The following ZNF141 variants were observed in gnomAD, a reference collection of about 807,000 sequenced individuals.
ZNF141 encodes the protein zinc finger protein 141, also known as zinc finger protein 141 (clone pHZ-44).
A neutral mutation model predicts 11.3 loss-of-function variants in ZNF141; 7 were observed. The ratio of observed to expected loss-of-function variants is 0.62; its 90% CI spans 0.35 to 1.16. The LOEUF is 1.16. Among genes scored for constraint, ZNF141 ranks in the 50% most tolerant of loss-of-function variants. The probability of loss-of-function intolerance (pLI) is 0.02; values close to 1 mark genes in which losing one functional copy is unlikely to be tolerated. For synonymous variants in ZNF141, 183 were observed against 190.7 expected (o/e 0.96, Z 0.33); for missense variants, 535 against 554.0 (o/e 0.97, Z 0.34).
chr4:345,305 G>A (rs553090570), intron 3 of ZNF141, among the ~76,000 whole-genome samples: 1 of 152,240 alleles, frequency 6.6e-6, no homozygotes, highest in African/African-American at 2.4e-5. Flanking sequence ...ATGAAAAAAA[G>A]TAATGTTATT....
chr4:357,348 G>A (rs1553851341), intron 3 of ZNF141, among the ~76,000 whole-genome samples: 2 of 151,666 alleles, frequency 1.3e-5, no homozygotes, highest in East Asian at 3.9e-4. Flanking sequence ...TGACCCAGGA[G>A]GTGGAGGTTG....
Position 373,677 on chromosome 4 carries a change from A to G in ZNF141, c.1240A>G (p.Lys414Glu), listed in dbSNP as rs1712205366. 1 of 1,614,174 alleles carries G rather than the reference A, an allele frequency of 6.2e-7. No individual in the cohort carries two copies. Among genetic ancestry groups the G allele is most frequent in the East Asian group, 2.2e-5 (1 of 44,878 alleles). Residue 414 changes from lysine to glutamate, a missense_variant, in exon 4 of 4, where the codon AAG becomes GAG. Physicochemically the swap from Lys to Glu is moderately conservative, Grantham distance 56. Transcript: ENST00000240499. ...FRRSTDRSQH[K>E]KIHSADKPYK... ...ACGGTCCACAGATCGGAGTCAACATAAGAAAATTCATAGTGCAGATAAACC... is the reference window on the plus strand; with the variant it reads ...ACGGTCCACAGATCGGAGTCAACATGAGAAAATTCATAGTGCAGATAAACC...
intron 3 of ZNF141, among the ~76,000 whole-genome samples, chr4:353,493 C>T (rs1721706297): frequency 6.9e-6 from 1 of 145,098 alleles, no homozygotes; most frequent in Non-Finnish European, 1.5e-5. Context: ...GACAGAGTCT[C>T]ACTCTCGTCC....
At chr4:357,599 A>G (rs1379040780) in intron 3 of ZNF141, among the ~76,000 whole-genome samples, 1 of 151,974 alleles carries the variant, frequency 6.6e-6, no homozygotes, top group Non-Finnish European at 1.5e-5. Flanking sequence ...CAATTAAAAA[A>G]ATTTTTTTTT....
intron 3 of ZNF141, among the ~76,000 whole-genome samples, chr4:356,471 G>A (rs1438060540): frequency 2.6e-5 from 4 of 151,682 alleles, no homozygotes; most frequent in African/African-American, 4.8e-5. Context: ...GACTACAGGC[G>A]CGTGCCACCA....
In ZNF141 at chr4:373,847, G is replaced by A. The variant is rs782807788; in HGVS notation, c.1410G>A (p.Lys470=). 73 of 1,602,246 alleles carry A rather than the reference G, an allele frequency of 4.6e-5. No homozygotes were observed. Among genetic ancestry groups the A allele is most frequent in the Non-Finnish European group, 5.8e-5 (68 of 1,174,300 alleles). The part of the protein sequence containing the change: ...FKRFSHLNKH[K]KIHT ...GGTTCTCACACCTGAATAAACATAA[G>A]AAAATTCATACTTGAGAGAAATCCT... Residue 470 remains lysine (K), a synonymous_variant, in exon 4 of 4, where the codon AAG becomes AAA. Coordinates refer to ENST00000240499, the MANE Select transcript of ZNF141 (RefSeq NM_003441.4).
At chr4:370,776 G>T (rs548394738) in intron 3 of ZNF141, among the ~76,000 whole-genome samples, 6 of 152,108 alleles carry the variant, frequency 3.9e-5, no homozygotes, top group Admixed American at 1.3e-4. Context: ...TGTTGCCCAG[G>T]CTGGAATGCA....
intron 3 of ZNF141, chr4:350,328 C>T (rs920708504): frequency 4.6e-6 from 2 of 434,102 alleles, no homozygotes; most frequent in African/African-American, 2.1e-5. Context: ...CTTCTGCTTT[C>T]TATGTGCTTA....
intron 3 of ZNF141, among the ~76,000 whole-genome samples, chr4:356,546 T>A (rs1553851244): frequency 6.6e-6 from 1 of 151,914 alleles, no homozygotes. Flanking sequence ...TCTCTTGACC[T>A]CGTGATCCTC....
At chr4:358,930 A>G (rs1191599803) in intron 3 of ZNF141, among the ~76,000 whole-genome samples, 2 of 151,942 alleles carry the variant, frequency 1.3e-5, no homozygotes, top group African/African-American at 4.8e-5. Context: ...CATTTTCTAG[A>G]TCTGTGTTTT....
Position 373,116 on chromosome 4 carries a change from TTTAC to T in ZNF141, c.682_685del (p.Thr228ValfsTer19), listed in dbSNP as rs2108654610. The T allele has an allele frequency of 6.2e-7, 1 of 1,613,320 alleles. No individual in the cohort carries two copies. The highest frequency in any genetic ancestry group is 8.5e-7 in the Non-Finnish European group (1 of 1,179,928). On this transcript the variant is annotated frameshift_variant, in exon 4 of 4. Coordinates refer to ENST00000240499, the MANE Select transcript of ZNF141 (RefSeq NM_003441.4). LOFTEE classifies it low-confidence loss of function (END_TRUNC). ...GAGAATTCATACTGGAGAGAAACCT[TTTAC>T]TTGTGAAGAATGTGGCAGCATCTTT...
intron 3 of ZNF141, among the ~76,000 whole-genome samples, chr4:365,445 G>A: frequency 6.6e-6 from 1 of 152,272 alleles, no homozygotes; most frequent in South Asian, 2.1e-4. Context: ...GCAAACCAGA[G>A]CCGTTCCTAT....
chr4:357,036 C>G (rs1553851286), intron 3 of ZNF141, among the ~76,000 whole-genome samples: 1 of 152,066 alleles, frequency 6.6e-6, no homozygotes, highest in African/African-American at 2.4e-5. Context: ...TTGAGTGCAG[C>G]CTCAACCTTT....
chr4:342,154 G>T (rs1339919563), intron 1 of ZNF141, among the ~76,000 whole-genome samples: 1 of 152,184 alleles, frequency 6.6e-6, no homozygotes, highest in Non-Finnish European at 1.5e-5. Flanking sequence ...GACACCTAGT[G>T]TCTACCTCCC....
Position 338,118 on chromosome 4 carries a change from G to A in ZNF141, c.3+132G>A, listed in dbSNP as rs115677187. ...CAGCCCTGGGGCCTCAGTACCCTCC[G>A]GTGAGGGACCTGGGCTCCTGTCGGT... On this transcript the variant is annotated intron_variant, in intron 1 of 3. Coordinates refer to ENST00000240499, the MANE Select transcript of ZNF141 (RefSeq NM_003441.4). 1,052 of 1,245,218 alleles carry A rather than the reference G, an allele frequency of 8.4e-4. 6 individuals are homozygous for A. In the African/African-American group the frequency reaches 0.015, roughly 17 times the overall value. 77.1% of individuals were successfully genotyped at this position (1,245,218 alleles called of 1,614,324 possible).
intron 3 of ZNF141, among the ~76,000 whole-genome samples, chr4:358,046 T>G (rs1721929174): frequency 6.6e-6 from 1 of 151,824 alleles, no homozygotes; most frequent in South Asian, 2.1e-4. Flanking sequence ...ATTAGGAACT[T>G]TCAAATGACT....
At chr4:358,339 C>G (rs1721948110) in intron 3 of ZNF141, 1 of 341,046 alleles carries the variant, frequency 2.9e-6, no homozygotes, top group Non-Finnish European at 5.6e-6. Context: ...TCATGAGCCA[C>G]CACACCTGGC....
chr4:370,890 C>T (rs1263382285), intron 3 of ZNF141, among the ~76,000 whole-genome samples: 1 of 151,812 alleles, frequency 6.6e-6, no homozygotes, highest in Non-Finnish European at 1.5e-5. Context: ...ACCACCACGC[C>T]CAGCTAATTT....
In ZNF141 at chr4:381,802, G is replaced by C. The variant is rs1373308626; in HGVS notation, c.*7940G>C. ...ATACCCCTATTAAATATGGGTCACA[G>C]ATTTTTACCCTAGTCCAGCCTATCC... On this transcript the variant is annotated 3_prime_UTR_variant, in exon 4 of 4. Transcript: ENST00000240499. Among the ~76,000 whole-genome samples, 5 of 151,976 alleles carry C rather than the reference G, an allele frequency of 3.3e-5. No homozygotes were observed. The highest frequency in any genetic ancestry group is 1.3e-4 in the Admixed American group (2 of 15,264).
Sources: allele counts gnomAD v4.1 joint callset (sites outside exome capture counted in the v4.1 genomes callset), GRCh38; gene constraint gnomAD v4.1.1; transcripts MANE v1.5; gene names NCBI Gene and HGNC (gene_info 2026-07-23, HGNC 2026-07-21).